The following OSBPL8 variants were observed in gnomAD, a reference collection of about 807,000 sequenced individuals.
OSBPL8 encodes the protein oxysterol binding protein like 8, also known as oxysterol-binding protein-related protein 8.
OSBPL8 carries 59 observed loss-of-function variants against 125.5 expected under a neutral mutation model. The ratio of observed to expected loss-of-function variants is 0.47; its 90% CI spans 0.38 to 0.58. The LOEUF (loss-of-function observed/expected upper bound fraction) is 0.58. Among genes scored for constraint, OSBPL8 ranks in the 20% least tolerant of loss-of-function variants. The probability of loss-of-function intolerance (pLI) is 0.00; values close to 1 mark genes in which losing one functional copy is unlikely to be tolerated. For synonymous variants in OSBPL8, 330 were observed against 338.9 expected (o/e 0.97, Z 0.29); for missense variants, 758 against 1,047.8 (o/e 0.72, Z 3.82).
At chr12:76,435,758 G>A (rs906459907) in intron 4 of OSBPL8, among the ~76,000 whole-genome samples, 2 of 152,086 alleles carry the variant, frequency 1.3e-5, no homozygotes, top group East Asian at 3.9e-4. Flanking sequence ...TCACAATGAT[G>A]GTAAAGAAAG....
At chr12:76,433,227 G>C (rs1230385406) in intron 4 of OSBPL8, among the ~76,000 whole-genome samples, 4 of 152,024 alleles carry the variant, frequency 2.6e-5, no homozygotes, top group Non-Finnish European at 5.9e-5. Flanking sequence ...GTCCTAGCCA[G>C]AAGAATTAGA....
chr12:76,499,426 C>G (rs1378930454), intron 1 of OSBPL8, among the ~76,000 whole-genome samples: 1 of 151,974 alleles, frequency 6.6e-6, no homozygotes, highest in Non-Finnish European at 1.5e-5. Flanking sequence ...CCTAATACAG[C>G]CATGTTGCCC....
chr12:76,485,868 G>A (rs1878071405), intron 2 of OSBPL8, among the ~76,000 whole-genome samples: 1 of 151,980 alleles, frequency 6.6e-6, no homozygotes, highest in Non-Finnish European at 1.5e-5. Flanking sequence ...AACAGCAACT[G>A]ATATTTTTAA....
intron 6 of OSBPL8, among the ~76,000 whole-genome samples, chr12:76,400,466 T>C (rs1234858781): frequency 2.0e-5 from 3 of 152,210 alleles, no homozygotes; most frequent in Admixed American, 2.0e-4. Flanking sequence ...AACATATACA[T>C]GCATGTGTCT....
chr12:76,476,910 T>C (rs192128476), intron 2 of OSBPL8, among the ~76,000 whole-genome samples: 48 of 152,260 alleles, frequency 3.2e-4, no homozygotes, highest in African/African-American at 1.0e-3. Context: ...TAATGAAAAG[T>C]AAGCAGACAT....
chr12:76,397,639 T>C (rs1405113956), intron 8 of OSBPL8, 55 bp downstream of exon 8: 3 of 1,512,626 alleles, frequency 2.0e-6, no homozygotes, highest in Non-Finnish European at 1.8e-6. Flanking sequence ...GTATCTCAGT[T>C]CTATTCATGG....
chr12:76,500,762 A>G (rs1278429473), intron 1 of OSBPL8, among the ~76,000 whole-genome samples: 1 of 151,978 alleles, frequency 6.6e-6, no homozygotes, highest in Non-Finnish European at 1.5e-5. Context: ...GTAAGAGAAA[A>G]AAAGAATTTC....
At chr12:76,393,120 CTG>C (rs1197018227) in intron 9 of OSBPL8, among the ~76,000 whole-genome samples, 1 of 152,158 alleles carries the variant, frequency 6.6e-6, no homozygotes, top group Non-Finnish European at 1.5e-5. Context: ...TCTGAAGTAA[CTG>C]TTTTTGTTAA....
intron 4 of OSBPL8, among the ~76,000 whole-genome samples, chr12:76,437,683 A>G (rs1871636343): frequency 6.6e-6 from 1 of 152,140 alleles, no homozygotes; most frequent in African/African-American, 2.4e-5. Context: ...AAGTACTTTG[A>G]AAAAAATCCT....
At chr12:76,513,114 T>C (rs542421021) in intron 1 of OSBPL8, among the ~76,000 whole-genome samples, 1 of 152,246 alleles carries the variant, frequency 6.6e-6, no homozygotes, top group African/African-American at 2.4e-5. Context: ...TTTTGAGGAT[T>C]TTCTTAGTCT....
chr12:76,370,506 G>GAGTC (rs1565833178), intron 19 of OSBPL8, among the ~76,000 whole-genome samples: 1 of 152,158 alleles, frequency 6.6e-6, no homozygotes, highest in East Asian at 1.9e-4. Context: ...AGATAGACAT[G>GAGTC]AGTCAAGTCC....
intron 5 of OSBPL8, among the ~76,000 whole-genome samples, chr12:76,405,767 TACTAA>T (rs1303026612): frequency 2.0e-5 from 3 of 152,200 alleles, no homozygotes; most frequent in African/African-American, 7.2e-5. Flanking sequence ...GGGGATAGTT[TACTAA>T]ACTAAGTTTC....
intron 1 of OSBPL8, among the ~76,000 whole-genome samples, chr12:76,494,861 G>C (rs1292819654): frequency 6.6e-6 from 1 of 152,190 alleles, no homozygotes; most frequent in Non-Finnish European, 1.5e-5. Flanking sequence ...TCAAAAAAGA[G>C]ATCTGAGCTG....
Position 76,369,224 on chromosome 12 carries a change from C to A in OSBPL8, c.2318G>T (p.Arg773Leu), listed in dbSNP as rs142715650. The change falls in exon 21 of 24, where the codon CGT becomes CTT. Residue 773 changes from arginine to leucine, a missense_variant. Physicochemically the swap from Arg to Leu is moderately radical, Grantham distance 102 (BLOSUM62 -2). Coordinates refer to ENST00000261183, the MANE Select transcript of OSBPL8 (RefSeq NM_020841.5). Reference sequence around the variant, plus strand: ...TTTTTTATTACATACCATTGGAGTACGATGTTTCACTTTGGTCTGAATAAC... The same window carrying A: ...TTTTTTATTACATACCATTGGAGTAAGATGTTTCACTTTGGTCTGAATAAC... ...DGVIQTKVKH[R>L]TPMVSVPKMK... 84 of 1,609,920 alleles carry A rather than the reference C, an allele frequency of 5.2e-5. No individual in the cohort carries two copies. The highest frequency in any genetic ancestry group is 7.0e-5 in the Non-Finnish European group (82 of 1,178,732).
In OSBPL8 at chr12:76,356,712, T is replaced by C; in HGVS notation, c.2451A>G (p.Pro817=). Residue 817 remains proline (P), a synonymous_variant, in exon 23 of 24, where the codon CCA becomes CCG. Coordinates refer to ENST00000261183, the MANE Select transcript of OSBPL8 (RefSeq NM_020841.5). ...CTATTCCTTTCTTTCTTCTTGTACT[T>C]GGTTTTACTGATTGAGCTAAAAAGA... The part of the protein sequence containing the change: ...SSGSEAQSVK[P]STRRKKGIEL... 1 of 1,605,756 alleles carries C rather than the reference T, an allele frequency of 6.2e-7. No individual in the cohort carries two copies. Among genetic ancestry groups the C allele is most frequent in the African/African-American group, 1.3e-5 (1 of 74,800 alleles).
At chr12:76,463,878 A>G (rs554654569) in intron 2 of OSBPL8, among the ~76,000 whole-genome samples, 1 of 152,350 alleles carries the variant, frequency 6.6e-6, no homozygotes, top group South Asian at 2.1e-4. Context: ...GCACATGGCT[A>G]AACTGCACAC....
intron 4 of OSBPL8, among the ~76,000 whole-genome samples, chr12:76,424,063 A>C (rs1015262500): frequency 4.6e-5 from 7 of 151,904 alleles, no homozygotes; most frequent in Admixed American, 4.6e-4. Context: ...TGCAGTGGCA[A>C]AATCTCAGCT....
At chr12:76,467,009 CA>C (rs1440102668) in intron 2 of OSBPL8, among the ~76,000 whole-genome samples, 1 of 151,984 alleles carries the variant, frequency 6.6e-6, no homozygotes, top group African/African-American at 2.4e-5. Flanking sequence ...CTGGAAATTA[CA>C]GTTAATTTGC....
chr12:76,450,390 G>C (rs1395792090), intron 4 of OSBPL8, among the ~76,000 whole-genome samples: 1 of 152,184 alleles, frequency 6.6e-6, no homozygotes, highest in Admixed American at 6.5e-5. Flanking sequence ...TTGGGGAGTA[G>C]AGGGAAAGAA....
Sources: gnomAD v4.1 joint callset for allele counts (sites outside exome capture counted in the v4.1 genomes callset) on GRCh38, gnomAD v4.1.1 for gene constraint, MANE v1.5 for transcripts, NCBI Gene and HGNC (gene_info 2026-07-23, HGNC 2026-07-21) for gene names.